The following DENND5B variants were observed in gnomAD, a reference collection of about 807,000 sequenced individuals.
DENND5B encodes the protein DENN domain-containing protein 5B.
Under a neutral mutation model 140.6 loss-of-function variants are expected in DENND5B, and 34 were observed. The ratio of observed to expected loss-of-function variants is 0.24; its 90% CI spans 0.18 to 0.32. The LOEUF (loss-of-function observed/expected upper bound fraction) is 0.32, where lower values mean the gene tolerates loss of function less well. Among genes scored for constraint, DENND5B ranks in the 10% least tolerant of loss-of-function variants. The pLI is 1.00. For missense variants in DENND5B, 1,142 were observed against 1,560.2 expected (o/e 0.73, Z 4.52); for synonymous variants, 551 against 562.1 (o/e 0.98, Z 0.28).
chr12:31,537,976 T>G (rs750096347), intron 1 of DENND5B, among the ~76,000 whole-genome samples: 37 of 152,250 alleles, frequency 2.4e-4, no homozygotes, highest in Non-Finnish European at 4.6e-4. Context: ...TGGATCCATA[T>G]ACCAGTGTTG....
chr12:31,518,512 T>C (rs1321829748), intron 1 of DENND5B, among the ~76,000 whole-genome samples: 1 of 151,870 alleles, frequency 6.6e-6, no homozygotes, highest in Non-Finnish European at 1.5e-5. Flanking sequence ...ACATACTCAA[T>C]AAAAATGGGC....
intron 1 of DENND5B, among the ~76,000 whole-genome samples, chr12:31,529,072 T>C (rs1276605978): frequency 6.8e-6 from 1 of 147,330 alleles, no homozygotes. Context: ...TAAGGTAGGG[T>C]GAATTGCTTG....
chr12:31,477,228 A>T (rs980222447), intron 3 of DENND5B, among the ~76,000 whole-genome samples: 2 of 29,074 alleles, frequency 6.9e-5, no homozygotes, highest in African/African-American at 2.4e-4. Context: ...ACTCTGTCTT[A>T]AAAAAAAAAA....
chr12:31,444,368 C>T (rs975455004), intron 6 of DENND5B, among the ~76,000 whole-genome samples: 3 of 152,062 alleles, frequency 2.0e-5, no homozygotes, highest in Non-Finnish European at 2.9e-5. Flanking sequence ...CTCAGCCTCC[C>T]GAGTAGCTGG....
intron 3 of DENND5B, 93 bp downstream of exon 3, chr12:31,479,496 T>C (rs1945972408): frequency 8.4e-7 from 1 of 1,197,276 alleles, no homozygotes; most frequent in Non-Finnish European, 1.1e-6. Flanking sequence ...ACTGTGATCA[T>C]TATTCGGTTC....
At chr12:31,527,107 GGAA>G (rs958729242) in intron 1 of DENND5B, among the ~76,000 whole-genome samples, 8 of 152,186 alleles carry the variant, frequency 5.3e-5, no homozygotes, top group Middle Eastern at 3.4e-3. Context: ...AGGGTGATAT[GGAA>G]AAACATGACA....
In DENND5B at chr12:31,452,341, T is replaced by C. The variant is rs762155448; in HGVS notation, c.1228A>G (p.Ser410Gly). The C allele has an allele frequency of 6.2e-7, 1 of 1,614,014 alleles. No individual in the cohort carries two copies. Among genetic ancestry groups the C allele is most frequent in the Non-Finnish European group, 8.5e-7 (1 of 1,179,896 alleles). Reference sequence around the variant, plus strand: ...CTGGTACTCTCACTGCAATGTAGGCTGCCCTCAGGAGGGATCCCAAATTGA... The same window carrying C: ...CTGGTACTCTCACTGCAATGTAGGCCGCCCTCAGGAGGGATCCCAAATTGA... ...LVQFGIPPEG[S>G]LHCSESTSKL... The change falls in exon 5 of 21, where the codon AGC (serine) becomes GGC (glycine). Residue 410 changes from serine (S) to glycine (G), a missense_variant. This residue lies in a region of DENND5B where 708 missense variants were observed against 905.5 expected (regional missense o/e 0.78). Transcript: ENST00000389082.
At chr12:31,392,144 A>AG in intron 19 of DENND5B, 123 bp downstream of exon 19, 1 of 1,048,208 alleles carries the variant, frequency 9.5e-7, no homozygotes, top group East Asian at 3.3e-5. Context: ...GTCTCAAAAA[A>AG]AAAAAAAGAA....
intron 7 of DENND5B, among the ~76,000 whole-genome samples, chr12:31,442,373 G>A (rs1274958294): frequency 6.6e-6 from 1 of 152,164 alleles, no homozygotes; most frequent in Non-Finnish European, 1.5e-5. Context: ...AACTGTGGAA[G>A]AATAATTTCT....
rs1471677090 is a variant in DENND5B at position 31,460,270 on chromosome 12, T to A, written c.1016A>T (p.Asp339Val). 6.2e-7 allele frequency: 1 copy of A among 1,613,898 alleles called. No homozygotes were observed. The highest frequency in any genetic ancestry group is 8.5e-7 in the Non-Finnish European group (1 of 1,179,872). The part of the protein sequence containing the change: ...ILPASLLHFL[D>V]APVPYLMGLQ... ...GCCCATCAGATAAGGGACAGGAGCA[T>A]CAAGAAAATGTAGCAGAGAAGCAGG... The change falls in exon 4 of 21, where the codon GAT becomes GTT. Residue 339 changes from aspartate to valine, a missense_variant. By Grantham distance (152) the Asp-to-Val change is radical. Coordinates refer to ENST00000389082, the MANE Select transcript of DENND5B (RefSeq NM_144973.4).
chr12:31,494,192 CCA>C (rs1946663784), intron 2 of DENND5B, among the ~76,000 whole-genome samples: 9 of 73,938 alleles, frequency 1.2e-4, no homozygotes, highest in South Asian at 4.6e-4. Context: ...ATCCATCCAT[CCA>C]TCCATCCACC....
intron 7 of DENND5B, among the ~76,000 whole-genome samples, chr12:31,438,697 C>A (rs560526186): frequency 6.6e-6 from 1 of 151,712 alleles, no homozygotes; most frequent in African/African-American, 2.4e-5. Flanking sequence ...TGTACAAAGA[C>A]CTGGGTGTAG....
At chr12:31,462,199 G>A (rs765726763) in intron 3 of DENND5B, among the ~76,000 whole-genome samples, 1 of 152,096 alleles carries the variant, frequency 6.6e-6, no homozygotes, top group African/African-American at 2.4e-5. Context: ...TTACAGCCAA[G>A]GCCCACTGAA....
intron 1 of DENND5B, chr12:31,589,815 G>C (rs958015235): frequency 6.6e-6 from 1 of 152,132 alleles, no homozygotes; most frequent in Non-Finnish European, 1.5e-5. Flanking sequence ...AATGAAATCA[G>C]TTGTTTCTCC....
intron 4 of DENND5B, among the ~76,000 whole-genome samples, chr12:31,453,914 G>T (rs1274654546): frequency 6.6e-6 from 1 of 152,078 alleles, no homozygotes; most frequent in Non-Finnish European, 1.5e-5. Flanking sequence ...GGCTGAGGCG[G>T]GAGGATGACT....
chr12:31,486,317 A>T lies in DENND5B; in HGVS notation c.238-6062T>A, dbSNP rs1267662175. ...CACAATAACAAAGTACCATCTTAGA[A>T]GCAGAGACTAGGCCATCATTAGACC... On this transcript the variant is annotated intron_variant, in intron 2 of 20. Transcript: ENST00000389082. Among the ~76,000 whole-genome samples the T allele has an allele frequency of 2.0e-5, 3 of 152,254 alleles. No homozygotes were observed. In the East Asian group the frequency reaches 5.8e-4, roughly 29 times the overall value.
chr12:31,505,887 T>A (rs998835616), intron 1 of DENND5B, among the ~76,000 whole-genome samples: 4 of 152,010 alleles, frequency 2.6e-5, no homozygotes, highest in African/African-American at 9.7e-5. Context: ...CAGGCTGGAG[T>A]TCAGTGGCAC....
Position 31,497,540 on chromosome 12 carries a change from G to A in DENND5B, c.128-1621C>T, listed in dbSNP as rs893164770. Among the ~76,000 whole-genome samples, 4 of 151,642 alleles carry A rather than the reference G, an allele frequency of 2.6e-5. No homozygotes were observed. In the East Asian group the frequency reaches 5.9e-4, roughly 22 times the overall value. ...GGCTGAAGAACAGATTCAGGGCTCA[G>A]AACTGATTTCAGGAAGAGTCCATGA... On this transcript the variant is annotated intron_variant, in intron 1 of 20. Coordinates refer to ENST00000389082, the MANE Select transcript of DENND5B (RefSeq NM_144973.4).
intron 2 of DENND5B, among the ~76,000 whole-genome samples, chr12:31,493,203 T>C (rs1467724084): frequency 6.6e-6 from 1 of 152,154 alleles, no homozygotes; most frequent in Non-Finnish European, 1.5e-5. Flanking sequence ...ATGATCTGGA[T>C]TTAATTTCTG....
Sources: gnomAD v4.1 joint callset for allele counts (sites outside exome capture counted in the v4.1 genomes callset) on GRCh38, gnomAD v4.1.1 for gene constraint, gnomAD v4.1.1 regional missense constraint, MANE v1.5 for transcripts, NCBI Gene and HGNC (gene_info 2026-07-23, HGNC 2026-07-21) for gene names.